The following PRKCH variants were observed in gnomAD, a reference collection of about 807,000 sequenced individuals.
PRKCH encodes protein kinase C eta type.
In PRKCH, 28 loss-of-function variants were observed where a neutral mutation model predicts 82.5. The ratio of observed to expected loss-of-function variants is 0.34; its 90% CI spans 0.25 to 0.47. The LOEUF is 0.47. PRKCH is among the 20% of genes least tolerant of loss of function. PRKCH has a pLI of 1.00. For synonymous variants in PRKCH, 322 were observed against 327.4 expected, an observed-to-expected ratio of 0.98 and a Z score of 0.18; for missense variants, 705 against 881.8, an observed-to-expected ratio of 0.80 and a Z score of 2.54.
chr14:61,503,001 CTTTTT>C (rs34050696), intron 10 of PRKCH, among the ~76,000 whole-genome samples: 4 of 80,312 alleles, frequency 5.0e-5, no homozygotes, highest in African/African-American at 8.0e-5. Flanking sequence ...GGGAAGCAGG[CTTTTT>C]TTTTTTTTTT....
chr14:61,189,718 T>C (rs1287899712), intron 1 of PRKCH, among the ~76,000 whole-genome samples: 1 of 152,006 alleles, frequency 6.6e-6, no homozygotes, highest in Non-Finnish European at 1.5e-5. Flanking sequence ...CTTTTTAACC[T>C]GTTGCTTTCT....
intron 1 of PRKCH, among the ~76,000 whole-genome samples, chr14:61,379,192 G>A (rs569455673): frequency 2.6e-5 from 4 of 151,788 alleles, no homozygotes; most frequent in East Asian, 1.9e-4. Flanking sequence ...CACACTCCCC[G>A]TCTCTGTGTA....
At chr14:61,515,924 A>G (rs2139983116) in intron 10 of PRKCH, among the ~76,000 whole-genome samples, 1 of 91,242 alleles carries the variant, frequency 1.1e-5, no homozygotes, top group East Asian at 4.4e-4. Context: ...GCTAAACCTA[A>G]TTCACATTAA....
At position 61,280,236 on chromosome 14, in the gene PRKCH, G is replaced by A. The variant is rs1283899336; in HGVS notation, c.-19+92568G>A. ...TGCCACCCATCCACGAGATGCTGCTGAAGATGAGGAGCTTGTGGCCGCCGA... is the reference window on the plus strand; with the variant it reads ...TGCCACCCATCCACGAGATGCTGCTAAAGATGAGGAGCTTGTGGCCGCCGA... On this transcript the variant is annotated intron_variant, in intron 1 of 3. Transcript: ENST00000555185. This position sits in a 1 kb window ranked among gnomAD's most constrained non-coding sequence, Gnocchi z 5.0. The A allele has an allele frequency of 6.2e-7, 1 of 1,614,146 alleles. No homozygotes were observed. Among genetic ancestry groups the A allele is most frequent in the Non-Finnish European group, 8.5e-7 (1 of 1,180,002 alleles).
At position 61,486,728 on chromosome 14, in the gene PRKCH, G is replaced by A. The variant is rs1886243404; in HGVS notation, c.1433+1072G>A. ...AGTGTCTTGCTATTTTGGCTAGGTC[G>A]GTCTTGAACTCCTGGCCTCAAGCAA... On this transcript the variant is annotated intron_variant, in intron 10 of 13. Transcript: ENST00000332981. Among the ~76,000 whole-genome samples the A allele has an allele frequency of 2.7e-5, 4 of 146,326 alleles. No individual in the cohort carries two copies. In the South Asian group the frequency reaches 6.5e-4, roughly 24 times the overall value.
intron 1 of PRKCH, among the ~76,000 whole-genome samples, chr14:61,193,365 A>G (rs974317860): frequency 6.6e-6 from 1 of 152,244 alleles, no homozygotes; most frequent in Non-Finnish European, 1.5e-5. Flanking sequence ...TTACAAAACC[A>G]GATGGTCATG....
intron 7 of PRKCH, among the ~76,000 whole-genome samples, chr14:61,455,979 CG>C (rs1884748046): frequency 2.0e-5 from 3 of 150,880 alleles, no homozygotes; most frequent in Admixed American, 2.0e-4. Flanking sequence ...TTATTGTAGA[CG>C]GTAAGTTGGC....
intron 2 of PRKCH, among the ~76,000 whole-genome samples, chr14:61,421,154 G>A (rs1223814854): frequency 2.0e-5 from 3 of 151,468 alleles, no homozygotes; most frequent in Admixed American, 6.6e-5. Context: ...TGAAAGAGGA[G>A]TGGAGTTCCC....
upstream of PRKCH, among the ~76,000 whole-genome samples, chr14:61,319,376 T>C (rs2045589163): frequency 6.6e-6 from 1 of 152,152 alleles, no homozygotes; most frequent in South Asian, 2.1e-4. Context: ...CTTCTATTAG[T>C]TGTTTTTCCT....
intron 1 of PRKCH, among the ~76,000 whole-genome samples, chr14:61,192,850 C>G (rs998327459): frequency 2.0e-5 from 3 of 152,196 alleles, no homozygotes; most frequent in African/African-American, 7.2e-5. Context: ...CCTTCCCTTC[C>G]TTTTAAAATA....
At chr14:61,509,045 G>C (rs1887268154) in intron 10 of PRKCH, among the ~76,000 whole-genome samples, 1 of 151,144 alleles carries the variant, frequency 6.6e-6, no homozygotes, top group Non-Finnish European at 1.5e-5. Context: ...TGCATTGTTA[G>C]CATTGGGTGC....
At chr14:61,418,074 T>G (rs140044674) in intron 2 of PRKCH, among the ~76,000 whole-genome samples, 1 of 152,248 alleles carries the variant, frequency 6.6e-6, no homozygotes, top group Non-Finnish European at 1.5e-5. Flanking sequence ...TGGAGAAAGA[T>G]CTAACATCTG....
intron 1 of PRKCH, among the ~76,000 whole-genome samples, chr14:61,209,570 A>C (rs913181942): frequency 2.0e-5 from 3 of 152,196 alleles, no homozygotes; most frequent in Admixed American, 6.5e-5. Flanking sequence ...ATCCTTATAC[A>C]GCTTCAAATT....
chr14:61,209,582 C>T (rs753570136), intron 1 of PRKCH, among the ~76,000 whole-genome samples: 17 of 152,110 alleles, frequency 1.1e-4, no homozygotes, highest in Non-Finnish European at 2.1e-4. Flanking sequence ...CTTCAAATTA[C>T]AGAATGTCAG....
At chr14:61,233,907 T>C (rs1192044127) in intron 1 of PRKCH, among the ~76,000 whole-genome samples, 2 of 152,230 alleles carry the variant, frequency 1.3e-5, no homozygotes, top group East Asian at 3.8e-4. Context: ...TACATTGGTT[T>C]TCCCTTATTC....
At chr14:61,436,053 C>A (rs1047290406) in intron 2 of PRKCH, among the ~76,000 whole-genome samples, 1 of 152,164 alleles carries the variant, frequency 6.6e-6, no homozygotes, top group Non-Finnish European at 1.5e-5. Context: ...GAGGTCAGGA[C>A]TCTCCTCCCA....
chr14:61,443,189 T>C lies in PRKCH; in HGVS notation c.506T>C (p.Ile169Thr), dbSNP rs773599342. 1.2e-6 allele frequency: 2 copies of C among 1,614,080 alleles called. No homozygotes were observed. The highest frequency in any genetic ancestry group is 1.7e-6 in the Non-Finnish European group (2 of 1,179,970). ...QRAMRRRVHQINGHKFMATYL... is the reference protein window; with the variant it reads ...QRAMRRRVHQTNGHKFMATYL... ...GCTATGCGAAGGCGAGTCCACCAGA[T>C]CAATGGACACAAGTTCATGGCCACG... is the stretch of plus-strand genomic sequence containing the variant. The change falls in exon 3 of 14, where the codon ATC (isoleucine) becomes ACC (threonine). Residue 169 changes from isoleucine to threonine, a missense_variant. Coordinates refer to ENST00000332981, the MANE Select transcript of PRKCH (RefSeq NM_006255.5).
At chr14:61,411,266 C>T (rs749329160) in intron 2 of PRKCH, among the ~76,000 whole-genome samples, 16 of 152,144 alleles carry the variant, frequency 1.1e-4, no homozygotes, top group Admixed American at 2.6e-4. Context: ...ATGGTGTCAA[C>T]GGATGATTAT....
At chr14:61,481,482 T>A (rs1885967597) in intron 9 of PRKCH, among the ~76,000 whole-genome samples, 1 of 152,240 alleles carries the variant, frequency 6.6e-6, no homozygotes, top group South Asian at 2.1e-4. Flanking sequence ...AGCTGCTTTC[T>A]GACTCCCATT....
Sources: gnomAD v4.1 joint callset for allele counts (sites outside exome capture counted in the v4.1 genomes callset) on GRCh38, gnomAD v4.1.1 for gene constraint, Gnocchi (gnomAD v3.1) non-coding constraint, MANE v1.5 for transcripts, NCBI Gene and HGNC (gene_info 2026-07-23, HGNC 2026-07-21) for gene names.